Variants in CNTN5 observed in about 807,000 individuals in gnomAD.
The protein encoded by CNTN5 is contactin-5.
In CNTN5, 77 loss-of-function variants were observed where a neutral mutation model predicts 129.1. The observed-to-expected ratio is 0.60, with a 90% CI of 0.50 to 0.72. CNTN5 has a LOEUF of 0.72. CNTN5 is among the 30% of genes least tolerant of loss of function. The pLI, the probability that CNTN5 is intolerant of heterozygous loss-of-function variation, is 0.00. For missense variants in CNTN5, 1,478 were observed against 1,328.8 expected (o/e 1.11, Z -1.75); for synonymous variants, 509 against 465.6 (o/e 1.09, Z -1.20).
At chr11:99,319,291 A>G (rs1865466364) in intron 1 of CNTN5, among the ~76,000 whole-genome samples, 1 of 152,194 alleles carries the variant, frequency 6.6e-6, no homozygotes, top group East Asian at 1.9e-4. Context: ...GTGTCAAATG[A>G]TATGGCCAAC....
rs185350805 is a variant in CNTN5 at position 99,565,665 on chromosome 11, C to T, written c.55+9396C>T. Among the ~76,000 whole-genome samples the T allele has an allele frequency of 1.1e-3, 171 of 152,310 alleles. 2 individuals carry two copies. Among genetic ancestry groups the T allele is most frequent in the African/African-American group, 3.8e-3 (158 of 41,578 alleles). On this transcript the variant is annotated intron_variant, in intron 3 of 24. Transcript: ENST00000524871. ...TCTCCTGAAAAATGATTTACTACTC[C>T]TTAAAATTGCCTACATTCTCCTATC...
At chr11:99,048,960 A>C (rs1864318690) in intron 1 of CNTN5, among the ~76,000 whole-genome samples, 1 of 152,146 alleles carries the variant, frequency 6.6e-6, no homozygotes, top group Non-Finnish European at 1.5e-5. Context: ...AATTTCATAT[A>C]AACTTATAGT....
chr11:99,753,987 CAA>C (rs202219500), intron 3 of CNTN5, among the ~76,000 whole-genome samples: 39 of 125,040 alleles, frequency 3.1e-4, no homozygotes, highest in Non-Finnish European at 3.7e-4. Context: ...GGCACCCTGC[CAA>C]AAAAAAAAAA....
intron 3 of CNTN5, among the ~76,000 whole-genome samples, chr11:99,587,023 G>C (rs1016176336): frequency 1.1e-4 from 17 of 152,138 alleles, no homozygotes; most frequent in African/African-American, 4.1e-4. Context: ...TCAGAATTCA[G>C]TTAACAATTC....
rs373152331 is a variant in CNTN5 at position 99,933,666 on chromosome 11, T to C, written c.673+17517T>C. Among the ~76,000 whole-genome samples, 5 of 152,320 alleles carry C rather than the reference T, an allele frequency of 3.3e-5. No homozygotes were observed. The East Asian group carries it at 5.8e-4, about 18-fold the overall frequency. The stretch of plus-strand genomic sequence containing the variant: ...GCTGAGGCAGTTAGTTGGGTTTTTC[T>C]TAAATAATTGCTGAATATTTCATTG... On this transcript the variant is annotated intron_variant, in intron 7 of 24. Coordinates refer to ENST00000524871, the MANE Select transcript of CNTN5 (RefSeq NM_014361.4).
chr11:100,102,223 C>A (rs898831106), intron 13 of CNTN5, among the ~76,000 whole-genome samples: 7 of 151,860 alleles, frequency 4.6e-5, no homozygotes, highest in African/African-American at 1.5e-4. Context: ...GCCACACCCA[C>A]ACTAACGTCT....
chr11:99,298,189 A>G (rs1864469457), intron 1 of CNTN5, among the ~76,000 whole-genome samples: 1 of 152,198 alleles, frequency 6.6e-6, no homozygotes, highest in Admixed American at 6.5e-5. Flanking sequence ...AAACTTCAGA[A>G]TTAATTTAAA....
intron 16 of CNTN5, among the ~76,000 whole-genome samples, chr11:100,230,547 C>T (rs970948332): frequency 3.3e-5 from 5 of 152,152 alleles, no homozygotes; most frequent in African/African-American, 9.7e-5. Context: ...TAATAGTTAC[C>T]TGAAGTGATC....
chr11:99,920,573 T>C (rs1309361383), intron 7 of CNTN5, among the ~76,000 whole-genome samples: 1 of 152,114 alleles, frequency 6.6e-6, no homozygotes, highest in African/African-American at 2.4e-5. Flanking sequence ...AATAGAAATT[T>C]CATTCTGTAC....
chr11:99,058,359 T>C (rs1055928558), intron 1 of CNTN5, among the ~76,000 whole-genome samples: 1 of 151,974 alleles, frequency 6.6e-6, no homozygotes, highest in Non-Finnish European at 1.5e-5. Context: ...TGGAGATATA[T>C]AAATATGACA....
At chr11:100,105,523 C>G (rs1223299893) in intron 13 of CNTN5, among the ~76,000 whole-genome samples, 7 of 152,122 alleles carry the variant, frequency 4.6e-5, no homozygotes, top group African/African-American at 1.7e-4. Flanking sequence ...CTCAAGTAGT[C>G]CTACAAAGTC....
At chr11:99,708,414 T>G (rs1954839888) in intron 3 of CNTN5, among the ~76,000 whole-genome samples, 1 of 151,732 alleles carries the variant, frequency 6.6e-6, no homozygotes. Context: ...CATACCACTT[T>G]GTAATGTCAC....
chr11:100,336,769 G>C (rs1344582536), intron 21 of CNTN5: 1 of 278,104 alleles, frequency 3.6e-6, no homozygotes, highest in East Asian at 8.5e-5. Flanking sequence ...TAGCTAGAGC[G>C]GTACGGCAGC....
chr11:99,407,872 T>A (rs555283781), intron 2 of CNTN5, among the ~76,000 whole-genome samples: 2 of 152,156 alleles, frequency 1.3e-5, no homozygotes, highest in Admixed American at 6.5e-5. Context: ...TGCCTCATAA[T>A]CACTGACTCT....
At chr11:99,484,157 A>T (rs185739510) in intron 2 of CNTN5, among the ~76,000 whole-genome samples, 1 of 152,274 alleles carries the variant, frequency 6.6e-6, no homozygotes. Flanking sequence ...TATACAAAGA[A>T]CTCAAAAAGC....
At chr11:100,193,403 CT>C (rs1948548954) in intron 14 of CNTN5, 84 bp from the exon 15 acceptor site, 2 of 871,452 alleles carry the variant, frequency 2.3e-6, no homozygotes, top group South Asian at 3.9e-5. Flanking sequence ...TAGATTTCTT[CT>C]TTTCTCAATT....
At chr11:100,039,505 A>T (rs1488845690) in intron 9 of CNTN5, among the ~76,000 whole-genome samples, 1 of 151,994 alleles carries the variant, frequency 6.6e-6, no homozygotes, top group African/African-American at 2.4e-5. Context: ...CCTGAATTTG[A>T]ATGTTGGCCT....
chr11:99,049,607 A>G (rs532594822), intron 1 of CNTN5: 3 of 152,280 alleles, frequency 2.0e-5, no homozygotes, highest in East Asian at 3.9e-4. Flanking sequence ...CTAGGTATCC[A>G]TGGAAGATTG....
At chr11:99,813,883 C>T (rs1404207821) in intron 3 of CNTN5, among the ~76,000 whole-genome samples, 1 of 151,870 alleles carries the variant, frequency 6.6e-6, no homozygotes, top group Non-Finnish European at 1.5e-5. Flanking sequence ...TAAAGAGAGA[C>T]ATTGTGGAAT....
Sources: allele counts gnomAD v4.1 joint callset (sites outside exome capture counted in the v4.1 genomes callset), GRCh38; gene constraint gnomAD v4.1.1; transcripts MANE v1.5; gene names NCBI Gene and HGNC (gene_info 2026-07-23, HGNC 2026-07-21).